PLCH2: variants seen among roughly 807,000 people sequenced by gnomAD.
PLCH2 encodes phospholipase C eta 2, also known as 1-phosphatidylinositol 4,5-bisphosphate phosphodiesterase eta-2.
Under a neutral mutation model 134.7 loss-of-function variants are expected in PLCH2, and 98 were observed. The ratio of observed to expected loss-of-function variants is 0.73; its 90% CI spans 0.62 to 0.86. The LOEUF (loss-of-function observed/expected upper bound fraction) is 0.86, where lower values mean the gene tolerates loss of function less well. Among genes scored for constraint, PLCH2 ranks in the 40% least tolerant of loss-of-function variants. The pLI is 0.00. For synonymous variants in PLCH2, 974 were observed against 827.5 expected (o/e 1.18, Z -3.04); for missense variants, 1,994 against 1,986.6 (o/e 1.00, Z -0.07).
rs1237854234 is a variant in PLCH2, at chr1:2,501,982, G to A, written c.2662-130G>A. The A allele has an allele frequency of 3.7e-6, 3 of 811,354 alleles. No individual in the cohort carries two copies. The African/African-American group carries it at 5.5e-5, about 15-fold the overall frequency. 50.3% of individuals were successfully genotyped at this position (811,354 alleles called of 1,614,324 possible). ...TGTGTCCACACACCCCCAGCCTGAGGTGGCCCAGCCCCTCGGACCGAGACA... is the reference window on the plus strand; with the variant it reads ...TGTGTCCACACACCCCCAGCCTGAGATGGCCCAGCCCCTCGGACCGAGACA... On this transcript the variant is annotated intron_variant, in intron 20 of 21. Transcript: ENST00000378486.
rs72924980 is a variant in PLCH2, at chr1:2,448,963, G to A, written c.115+18334G>A. Among the ~76,000 whole-genome samples the A allele has an allele frequency of 0.043, 6,484 of 152,266 alleles. 484 individuals carry two copies. The highest frequency in any genetic ancestry group is 0.15 in the African/African-American group (6,125 of 41,544). ...TGTTGTACGTGGCTCCTTTGCTGGC[G>A]CGGGGAAAGGGCCGTGGGCTTGGGC... On this transcript the variant is annotated intron_variant, in intron 2 of 3. Transcript: ENST00000609981. The surrounding 1 kb of genome is among the most constrained non-coding windows in gnomAD (Gnocchi z 4.0).
In PLCH2 at chr1:2,496,616, G is replaced by A; in HGVS notation, c.1845G>A (p.Arg615=). 6.2e-7 allele frequency: 1 copy of A among 1,610,864 alleles called. No individual in the cohort carries two copies. The highest frequency in any genetic ancestry group is 8.5e-7 in the Non-Finnish European group (1 of 1,178,932). ...SPGGQSRGAT[R]QKKTMKLSRA... ...CCTGCACCTGCCACAGGGCGACCCG[G>A]CAGAAGAAGACCATGAAGCTGTCCC... The change falls in exon 14 of 22, where the codon CGG becomes CGA. Residue 615 remains arginine, a synonymous_variant. Coordinates refer to ENST00000378486, the MANE Select transcript of PLCH2 (RefSeq NM_014638.4).
Position 2,496,850 on chromosome 1 carries a change from G to A in PLCH2, c.1956G>A (p.Ser652=), listed in dbSNP as rs778763816. ...EMEAASSWQV[S]SFSETKAHQI... is the part of the protein sequence containing the mutation. The stretch of plus-strand genomic sequence containing the variant: ...CAGCGGCGTCCAGCTGGCAGGTGTC[G>A]TCCTTCAGCGAGACCAAGGCCCACC... The change falls in exon 15 of 22, where the codon TCG becomes TCA. Residue 652 remains serine (S), a synonymous_variant. Coordinates refer to ENST00000378486, the MANE Select transcript of PLCH2 (RefSeq NM_014638.4). 3.5e-5 allele frequency: 56 copies of A among 1,612,274 alleles called. No homozygotes were observed. The highest frequency in any genetic ancestry group is 8.3e-5 in the Admixed American group (5 of 60,008).
Position 2,499,730 on chromosome 1 carries a change from AC to A in PLCH2, c.2661+15del. 1 of 1,556,418 alleles carries A rather than the reference AC, an allele frequency of 6.4e-7. No homozygotes were observed. Among genetic ancestry groups the A allele is most frequent in the Non-Finnish European group, 8.7e-7 (1 of 1,150,324 alleles). On this transcript the variant is annotated intron_variant, in intron 20 of 21. Transcript: ENST00000378486. ...TGACATCAGCGGTAAGGTGAGTGTC[AC>A]CCCCTGCCACCAGCCATCATGGGGA...
At chr1:2,466,019 C>T (rs1248719716), upstream of PLCH2, among the ~76,000 whole-genome samples, 1 of 152,196 alleles carries the variant, frequency 6.6e-6, no homozygotes, top group African/African-American at 2.4e-5. Context: ...AGTGGACTGT[C>T]CCAGGGGACA....
chr1:2,438,198 C>T lies in PLCH2; in HGVS notation c.115+7569C>T, dbSNP rs535097752. On this transcript the variant is annotated intron_variant, in intron 2 of 3. Transcript: ENST00000609981. ...TGGCAGCCGTGGAAATGAGCAAGCGCGGAGATGAACGGCGCTCGGCAGACG... is the reference window on the plus strand; with the variant it reads ...TGGCAGCCGTGGAAATGAGCAAGCGTGGAGATGAACGGCGCTCGGCAGACG... Among the ~76,000 whole-genome samples the T allele has an allele frequency of 6.6e-5, 10 of 152,364 alleles. No individual in the cohort carries two copies. In the South Asian group the frequency reaches 8.3e-4, roughly 13 times the overall value.
intron 1 of PLCH2, among the ~76,000 whole-genome samples, chr1:2,470,753 C>T (rs151020175): frequency 0.011 from 1,647 of 152,322 alleles, 35 homozygotes; most frequent in African/African-American, 0.038. Flanking sequence ...TCCCCTCACT[C>T]GGCAGGAGCT....
chr1:2,471,113 G>A (rs1378631441), intron 1 of PLCH2, among the ~76,000 whole-genome samples: 2 of 152,194 alleles, frequency 1.3e-5, no homozygotes, highest in African/African-American at 4.8e-5. Context: ...TTCCTGATGG[G>A]GCTGTCAAGT....
chr1:2,460,863 G>C (rs945655168), intron 2 of PLCH2, among the ~76,000 whole-genome samples: 2 of 152,194 alleles, frequency 1.3e-5, no homozygotes, highest in African/African-American at 4.8e-5. Flanking sequence ...ACCCCTCAGT[G>C]CAGCGGCAAC....
chr1:2,485,448 C>A (rs1338403073), intron 5 of PLCH2, among the ~76,000 whole-genome samples: 1 of 152,218 alleles, frequency 6.6e-6, no homozygotes, highest in Non-Finnish European at 1.5e-5. Context: ...AGGTGAGGAC[C>A]CTGGACCCTC....
chr1:2,442,744 G>T (rs967438403), intron 2 of PLCH2, among the ~76,000 whole-genome samples: 22 of 152,350 alleles, frequency 1.4e-4, no homozygotes, highest in Admixed American at 3.9e-4. Flanking sequence ...GGGTAAGCTG[G>T]GGGCTCTGAG....
Position 2,499,087 on chromosome 1 carries a change from T to C in PLCH2, c.2438T>C (p.Phe813Ser). The C allele has an allele frequency of 1.2e-6, 2 of 1,609,300 alleles. No individual in the cohort carries two copies. Among genetic ancestry groups the C allele is most frequent in the Non-Finnish European group, 1.7e-6 (2 of 1,178,394 alleles). ...EQTRVVDDNG[F>S]NPTWEETLVF... is the part of the protein sequence containing the mutation. ...CCTCCTGGCGCTGCTTCCCCAGGGT[T>C]CAACCCCACCTGGGAGGAGACCCTG... Residue 813 changes from phenylalanine (F) to serine (S), a missense_variant, in exon 19 of 22, where the codon TTC (phenylalanine) becomes TCC (serine). This residue lies in a region of PLCH2 where 1,094 missense variants were observed against 1,234.3 expected (regional missense o/e 0.89). Coordinates refer to ENST00000378486, the MANE Select transcript of PLCH2 (RefSeq NM_014638.4).
the PLCH2 span, among the ~76,000 whole-genome samples, chr1:2,419,475 C>A: frequency 6.6e-6 from 1 of 152,128 alleles, no homozygotes; most frequent in Non-Finnish European, 1.5e-5. Context: ...CGGGCCTCGG[C>A]CGTTGGTCGG....
intron 8 of PLCH2, among the ~76,000 whole-genome samples, chr1:2,488,745 C>G (rs755410852): frequency 2.6e-5 from 4 of 152,180 alleles, no homozygotes; most frequent in Non-Finnish European, 5.9e-5. Context: ...GCTTATGTCT[C>G]CTTCTTTATG....
At chr1:2,477,174 G>A (rs1641677765) in intron 1 of PLCH2, among the ~76,000 whole-genome samples, 1 of 152,114 alleles carries the variant, frequency 6.6e-6, no homozygotes, top group Non-Finnish European at 1.5e-5. Context: ...GGCCTGTGGA[G>A]GGCCCCGGTC....
At chr1:2,474,163 C>T (rs751495557), upstream of PLCH2, among the ~76,000 whole-genome samples, 42 of 152,082 alleles carry the variant, frequency 2.8e-4, no homozygotes, top group African/African-American at 8.5e-4. Context: ...CAGCCCCCTC[C>T]GTGACCTTGT....
At chr1:2,503,613 G>C (rs1477015949) in intron 21 of PLCH2, 1 of 677,088 alleles carries the variant, frequency 1.5e-6, no homozygotes, top group African/African-American at 1.8e-5. Flanking sequence ...CGCTGCCTCC[G>C]TAGTTAGGAA....
At chr1:2,447,785 T>A (rs755098298) in intron 2 of PLCH2, among the ~76,000 whole-genome samples, 1 of 152,150 alleles carries the variant, frequency 6.6e-6, no homozygotes, top group Non-Finnish European at 1.5e-5. Context: ...CTCTGAGTCT[T>A]TGGGGTCTTT....
chr1:2,445,922 T>C (rs1639921725), intron 2 of PLCH2, among the ~76,000 whole-genome samples: 1 of 152,212 alleles, frequency 6.6e-6, no homozygotes, highest in Non-Finnish European at 1.5e-5. Flanking sequence ...ACCGCTTCAT[T>C]AGCTGCTGTC....
Sources: allele counts gnomAD v4.1 joint callset (sites outside exome capture counted in the v4.1 genomes callset), GRCh38; gene constraint gnomAD v4.1.1; regional missense constraint gnomAD v4.1.1; non-coding constraint Gnocchi (gnomAD v3.1); transcripts MANE v1.5; gene names NCBI Gene and HGNC (gene_info 2026-07-23, HGNC 2026-07-21).